GPC5: variants seen among roughly 807,000 people sequenced by gnomAD.
GPC5 encodes glypican-5.
Under a neutral mutation model 53.9 loss-of-function variants are expected in GPC5, and 47 were observed. The ratio of observed to expected loss-of-function variants is 0.87; its 90% CI spans 0.69 to 1.11. The LOEUF (loss-of-function observed/expected upper bound fraction) is 1.11, where lower values mean the gene tolerates loss of function less well. Among genes scored for constraint, GPC5 ranks in the 50% most tolerant of loss-of-function variants. The pLI is 0.00. For missense variants in GPC5, 748 were observed against 713.1 expected (o/e 1.05, Z -0.56); for synonymous variants, 286 against 263.3 (o/e 1.09, Z -0.84).
intron 7 of GPC5, among the ~76,000 whole-genome samples, chr13:92,503,787 C>T (rs1237119953): frequency 6.6e-6 from 1 of 151,780 alleles, no homozygotes; most frequent in Non-Finnish European, 1.5e-5. Context: ...ATTAATTCCT[C>T]AAAGCCAGAA....
intron 6 of GPC5, among the ~76,000 whole-genome samples, chr13:92,103,256 AT>A (rs2138915062): frequency 6.6e-6 from 1 of 152,146 alleles, no homozygotes; most frequent in South Asian, 2.1e-4. Context: ...CATATAATAG[AT>A]TGCTGGAGAT....
At chr13:92,653,151 A>G (rs765326788) in intron 7 of GPC5, among the ~76,000 whole-genome samples, 9 of 152,232 alleles carry the variant, frequency 5.9e-5, no homozygotes, top group Non-Finnish European at 1.0e-4. Context: ...TGTGGGCACC[A>G]GGTGCCTAGG....
At chr13:92,250,160 CA>C (rs202164476) in intron 7 of GPC5, among the ~76,000 whole-genome samples, 1 of 150,560 alleles carries the variant, frequency 6.6e-6, no homozygotes, top group African/African-American at 2.4e-5. Flanking sequence ...CATGCTCAGC[CA>C]AAAAAAAATT....
chr13:91,786,907 T>C (rs1466880033), intron 5 of GPC5, among the ~76,000 whole-genome samples: 8 of 151,878 alleles, frequency 5.3e-5, no homozygotes, highest in Non-Finnish European at 8.8e-5. Context: ...TACACAGGTC[T>C]GGCACATCTT....
At chr13:92,001,818 T>C (rs1224739829) in intron 6 of GPC5, among the ~76,000 whole-genome samples, 1 of 152,204 alleles carries the variant, frequency 6.6e-6, no homozygotes, top group African/African-American at 2.4e-5. Context: ...GCATATTAGA[T>C]ACAACAAAAG....
chr13:92,193,212 C>T (rs551538373), intron 7 of GPC5, among the ~76,000 whole-genome samples: 1 of 152,036 alleles, frequency 6.6e-6, no homozygotes, highest in Non-Finnish European at 1.5e-5. Context: ...ATATTATGCT[C>T]AGGTAGAAAT....
chr13:92,830,887 TTTAAC>T (rs1182927850), intron 7 of GPC5, among the ~76,000 whole-genome samples: 1 of 152,096 alleles, frequency 6.6e-6, no homozygotes, highest in Non-Finnish European at 1.5e-5. Flanking sequence ...GCAGAACATA[TTTAAC>T]TTGGAGAAAG....
chr13:92,602,218 TAAATATATATATAAC>T (rs1884085947), intron 7 of GPC5, among the ~76,000 whole-genome samples: 1 of 13,634 alleles, frequency 7.3e-5, no homozygotes, highest in Non-Finnish European at 4.1e-4. Flanking sequence ...TACATATATA[TAAATATATATATAAC>T]ATATATATAT....
At chr13:92,670,909 G>C (rs913791568) in intron 7 of GPC5, among the ~76,000 whole-genome samples, 10 of 152,074 alleles carry the variant, frequency 6.6e-5, no homozygotes, top group Non-Finnish European at 8.8e-5. Context: ...TGGCAAAAAG[G>C]CTGCTCCTTG....
rs148754223 is a variant in GPC5 at position 92,138,348 on chromosome 13, T to A, written c.1402-6482T>A. 1.3e-4 allele frequency among the ~76,000 whole-genome samples: 20 copies of A among 151,904 alleles called. 1 individual carries two copies. In the East Asian group the frequency reaches 3.9e-3, roughly 30 times the overall value. ...ATCCTGGCAAAAAATGGTGAAGCCC[T>A]GTCTCTACTAAAAATACAAAAATTA... is the stretch of plus-strand genomic sequence containing the variant. On this transcript the variant is annotated intron_variant, in intron 6 of 7. Coordinates refer to ENST00000377067, the MANE Select transcript of GPC5 (RefSeq NM_004466.6).
intron 7 of GPC5, among the ~76,000 whole-genome samples, chr13:92,699,430 A>G (rs984334002): frequency 1.3e-5 from 2 of 150,424 alleles, no homozygotes; most frequent in African/African-American, 4.9e-5. Context: ...TCTCTCTTTC[A>G]GTTCTGTTCT....
At chr13:92,349,204 C>T (rs999282945) in intron 7 of GPC5, among the ~76,000 whole-genome samples, 5 of 152,116 alleles carry the variant, frequency 3.3e-5, no homozygotes, top group African/African-American at 4.8e-5. Context: ...AGTGCGATGG[C>T]ACGATCTCGG....
intron 7 of GPC5, among the ~76,000 whole-genome samples, chr13:92,231,029 G>A (rs2042526337): frequency 6.6e-6 from 1 of 152,138 alleles, no homozygotes; most frequent in African/African-American, 2.4e-5. Flanking sequence ...ATAGCCAAGG[G>A]TTGGGCTTTG....
intron 6 of GPC5, among the ~76,000 whole-genome samples, chr13:92,051,007 T>A (rs533038622): frequency 6.6e-6 from 1 of 152,238 alleles, no homozygotes; most frequent in South Asian, 2.1e-4. Context: ...GTGGAAGCCA[T>A]TTTGGAAGAT....
chr13:92,445,577 G>A (rs1407756706), intron 7 of GPC5, among the ~76,000 whole-genome samples: 10 of 146,774 alleles, frequency 6.8e-5, no homozygotes, highest in Admixed American at 1.4e-4. Flanking sequence ...TTGGTTTTTT[G>A]TTCTTGTGAT....
intron 5 of GPC5, among the ~76,000 whole-genome samples, chr13:91,867,123 G>A (rs911622754): frequency 3.3e-5 from 5 of 152,220 alleles, no homozygotes; most frequent in African/African-American, 4.8e-5. Context: ...GCTGAGGCAG[G>A]AGAATCACTT....
Position 92,271,203 on chromosome 13 carries a change from G to T in GPC5, c.1561+126214G>T, listed in dbSNP as rs556092000. 6.6e-5 allele frequency among the ~76,000 whole-genome samples: 10 copies of T among 152,328 alleles called. No homozygotes were observed. In the East Asian group the frequency reaches 1.9e-3, roughly 29 times the overall value. ...CAAGTAACTTTCTATGTAGAGCAATGCCAGGGCATGCCATCTACTATGCCT... is the reference window on the plus strand; with the variant it reads ...CAAGTAACTTTCTATGTAGAGCAATTCCAGGGCATGCCATCTACTATGCCT... On this transcript the variant is annotated intron_variant, in intron 7 of 7. Transcript: ENST00000377067.
intron 6 of GPC5, among the ~76,000 whole-genome samples, chr13:92,125,538 G>A (rs529335606): frequency 4.6e-5 from 7 of 152,150 alleles, no homozygotes; most frequent in South Asian, 2.1e-4. Context: ...TACCAATATC[G>A]GGAGTAGGAG....
chr13:92,123,276 G>C (rs1329283460), intron 6 of GPC5, among the ~76,000 whole-genome samples: 6 of 152,016 alleles, frequency 3.9e-5, no homozygotes, highest in Non-Finnish European at 8.8e-5. Context: ...TTTGGTGGCG[G>C]GCACGTGTAA....
Sources: gnomAD v4.1 joint callset for allele counts (sites outside exome capture counted in the v4.1 genomes callset) on GRCh38, gnomAD v4.1.1 for gene constraint, MANE v1.5 for transcripts, NCBI Gene and HGNC (gene_info 2026-07-23, HGNC 2026-07-21) for gene names.